Variants in BAZ1B observed in about 807,000 individuals in gnomAD.
BAZ1B encodes the protein bromodomain adjacent to zinc finger domain 1B.
A neutral mutation model predicts 153.8 loss-of-function variants in BAZ1B; 22 were observed. That is an observed-to-expected ratio of 0.14 (90% CI 0.10 to 0.20). The LOEUF is 0.20. Among genes scored for constraint, BAZ1B ranks in the 10% least tolerant of loss-of-function variants. The pLI is 1.00. For synonymous variants in BAZ1B, 676 were observed against 633.4 expected, an observed-to-expected ratio of 1.07 and a Z score of -1.01; for missense variants, 1,325 against 1,799.3, an observed-to-expected ratio of 0.74 and a Z score of 4.77.
intron 1 of BAZ1B, among the ~76,000 whole-genome samples, chr7:73,512,183 T>C (rs1790611754): frequency 6.6e-6 from 1 of 152,066 alleles, no homozygotes; most frequent in Admixed American, 6.6e-5. Flanking sequence ...AACATGTTAC[T>C]TCTTAGGGTT....
rs782104815 is a variant in BAZ1B at position 73,470,358 on chromosome 7, G to C, written c.2719C>G (p.Arg907Gly). 6.2e-7 allele frequency: 1 copy of C among 1,612,764 alleles called. No individual in the cohort carries two copies. The highest frequency in any genetic ancestry group is 1.1e-5 in the South Asian group (1 of 90,898). ...TTAGGAACTGACCTATTATGGTTTC[G>C]ATCTGTGCCAATAGGAGTCCTGCGC... ...VMRRTPIGTD[R>G]NHNRYWLFSD... The change falls in exon 8 of 20, where the codon CGA becomes GGA. Residue 907 changes from arginine (R) to glycine (G), a missense_variant. By Grantham distance (125) the Arg-to-Gly change is moderately radical. This residue lies in a region of BAZ1B where 431 missense variants were observed against 563.5 expected (regional missense o/e 0.76). Transcript: ENST00000339594.
intron 16 of BAZ1B, among the ~76,000 whole-genome samples, chr7:73,446,581 G>C (rs1787845137): frequency 6.7e-6 from 1 of 150,272 alleles, no homozygotes; most frequent in African/African-American, 2.5e-5. Context: ...GTGTATTTTG[G>C]AAAGAGGGAG....
chr7:73,447,672 A>G (rs1178765513), intron 15 of BAZ1B, among the ~76,000 whole-genome samples: 3 of 152,204 alleles, frequency 2.0e-5, no homozygotes, highest in Non-Finnish European at 4.4e-5. Context: ...TTCCCCACAC[A>G]AAGCAATACA....
At chr7:73,449,898 T>C (rs1787972278) in intron 14 of BAZ1B, among the ~76,000 whole-genome samples, 1 of 152,230 alleles carries the variant, frequency 6.6e-6, no homozygotes. Context: ...TCAGGTCTCC[T>C]AATTTATATC....
chr7:73,460,492 T>C (rs1172814534), intron 12 of BAZ1B, among the ~76,000 whole-genome samples: 6 of 151,948 alleles, frequency 3.9e-5, no homozygotes, highest in Non-Finnish European at 5.9e-5. Context: ...CTTGATCTCC[T>C]TTTTTTTATT....
In BAZ1B at chr7:73,512,177, T is replaced by C. The variant is rs577799676; in HGVS notation, c.108-1325A>G. Among the ~76,000 whole-genome samples, 4 of 151,702 alleles carry C rather than the reference T, an allele frequency of 2.6e-5. No individual in the cohort carries two copies. The East Asian group carries it at 5.8e-4, about 22-fold the overall frequency. The stretch of plus-strand genomic sequence containing the variant: ...AGCCCTCCAGTCCACCTTGGAAACA[T>C]GTTACTTCTTAGGGTTTACAAGCTT... On this transcript the variant is annotated intron_variant, in intron 1 of 19. Transcript: ENST00000339594.
intron 13 of BAZ1B, 35 bp from the exon 14 acceptor site, chr7:73,451,029 A>T: frequency 6.2e-7 from 1 of 1,608,164 alleles, no homozygotes; most frequent in Non-Finnish European, 8.5e-7. Context: ...GCATTACTAC[A>T]CTGACCAAAG....
rs1583899092 is a variant in BAZ1B, at chr7:73,462,925, G to A, written c.3246C>T (p.Ala1082=). Residue 1082 remains alanine, a synonymous_variant, in exon 12 of 20, where the codon GCC becomes GCT. Coordinates refer to ENST00000339594, the MANE Select transcript of BAZ1B (RefSeq NM_032408.4). ...GGGGATTTTCTTATATTCCTACCCG[G>A]GCTTCAAATTCTGATGTTTCTTCCA... ...GYVEETSEFE[A]RVISLEKLKD... 3 of 1,613,944 alleles carry A rather than the reference G, an allele frequency of 1.9e-6. No homozygotes were observed. The highest frequency in any genetic ancestry group is 2.5e-6 in the Non-Finnish European group (3 of 1,179,880).
chr7:73,470,225 C>A, intron 8 of BAZ1B, 120 bp downstream of exon 8: 1 of 1,176,754 alleles, frequency 8.5e-7, no homozygotes, highest in East Asian at 2.5e-5. Flanking sequence ...ATTCTGTTTC[C>A]AAAAAGAATT....
intron 16 of BAZ1B, 56 bp from the exon 17 acceptor site, chr7:73,444,185 T>A: frequency 6.7e-7 from 1 of 1,500,450 alleles, no homozygotes; most frequent in Non-Finnish European, 8.9e-7. Flanking sequence ...GGGAGGAGCA[T>A]CTTCGAAATG....
intron 3 of BAZ1B, among the ~76,000 whole-genome samples, chr7:73,501,644 G>T (rs895887308): frequency 2.0e-5 from 3 of 152,024 alleles, no homozygotes; most frequent in Non-Finnish European, 4.4e-5. Flanking sequence ...GAGAAACCCC[G>T]TTCCTGACCA....
chr7:73,447,161 A>T, intron 16 of BAZ1B, 103 bp downstream of exon 16: 1 of 1,598,654 alleles, frequency 6.3e-7, no homozygotes. Flanking sequence ...GAGAAAAGGA[A>T]TAGGGCAAGC....
At chr7:73,521,763 G>T in intron 1 of BAZ1B, 64 bp downstream of exon 1, 1 of 1,355,980 alleles carries the variant, frequency 7.4e-7, no homozygotes, top group Non-Finnish European at 9.9e-7. Context: ...CTGGTCTCGC[G>T]AGCCCCAGGC....
chr7:73,509,766 T>C (rs1441878387), intron 2 of BAZ1B, among the ~76,000 whole-genome samples: 1 of 151,930 alleles, frequency 6.6e-6, no homozygotes, highest in African/African-American at 2.4e-5. Flanking sequence ...ACCAGAGCTG[T>C]TGCAAAAGGA....
chr7:73,516,126 T>A, intron 1 of BAZ1B, among the ~76,000 whole-genome samples: 1 of 152,058 alleles, frequency 6.6e-6, no homozygotes, highest in East Asian at 1.9e-4. Context: ...CAGCCTGGGC[T>A]ACAGAGCGAG....
chr7:73,458,438 G>A (rs1395518891), intron 13 of BAZ1B, among the ~76,000 whole-genome samples: 1 of 152,122 alleles, frequency 6.6e-6, no homozygotes. Context: ...TACTTTGGGA[G>A]GCTGAGGTGG....
chr7:73,500,477 A>G (rs1434486041), intron 3 of BAZ1B, among the ~76,000 whole-genome samples: 8 of 152,214 alleles, frequency 5.3e-5, no homozygotes, highest in Non-Finnish European at 1.5e-5. Context: ...TGGGACGTTG[A>G]AGAAGAAGGG....
intron 19 of BAZ1B, 29 bp downstream of exon 19, chr7:73,442,152 T>TGCTTTTCCCCCCCCCCCC: frequency 5.2e-6 from 1 of 192,240 alleles, no homozygotes; most frequent in Non-Finnish European, 1.0e-5. Context: ...CCACCCTCCC[T>TGCTTTTCCCCCCCCCCCC]AGCTGTCCCC....
At chr7:73,495,193 G>C (rs915987033) in intron 4 of BAZ1B, among the ~76,000 whole-genome samples, 17 of 152,308 alleles carry the variant, frequency 1.1e-4, no homozygotes, top group Admixed American at 7.2e-4. Context: ...TGAAGCAGGA[G>C]AATCACTTGA....
Sources: gnomAD v4.1 joint callset for allele counts (sites outside exome capture counted in the v4.1 genomes callset) on GRCh38, gnomAD v4.1.1 for gene constraint, gnomAD v4.1.1 regional missense constraint, MANE v1.5 for transcripts, NCBI Gene and HGNC (gene_info 2026-07-23, HGNC 2026-07-21) for gene names.